Variants in LGI1 observed in about 807,000 individuals in gnomAD.
LGI1 encodes leucine rich glioma inactivated 1, also known as leucine-rich glioma-inactivated protein 1.
LGI1 carries 11 observed loss-of-function variants against 57.7 expected under a neutral mutation model. That is an observed-to-expected ratio of 0.19 (90% CI 0.12 to 0.32). LGI1 has a LOEUF of 0.32. Among genes scored for constraint, LGI1 ranks in the 10% least tolerant of loss-of-function variants. The pLI is 1.00. For missense variants in LGI1, 422 were observed against 661.9 expected, an observed-to-expected ratio of 0.64 and a Z score of 3.98; for synonymous variants, 222 against 241.9, an observed-to-expected ratio of 0.92 and a Z score of 0.76.
In LGI1 at chr10:93,758,503, C is replaced by T; in HGVS notation, c.215+144C>T. 1 of 898,356 alleles carries T rather than the reference C, an allele frequency of 1.1e-6. No individual in the cohort carries two copies. Among genetic ancestry groups the T allele is most frequent in the Non-Finnish European group, 1.8e-6 (1 of 563,078 alleles). 55.6% of individuals were successfully genotyped at this position (898,356 alleles called of 1,614,324 possible). A position where few individuals can be genotyped will look rare whatever the true frequency, so the allele number is the denominator to read the frequency against. On this transcript the variant is annotated intron_variant, in intron 1 of 7. Coordinates refer to ENST00000371418, the MANE Select transcript of LGI1 (RefSeq NM_005097.4). This position sits in a 1 kb window ranked among gnomAD's most constrained non-coding sequence, Gnocchi z 4.7. The stretch of plus-strand genomic sequence containing the variant: ...GGCCATTTGACAGTGCTAACATTTG[C>T]TGCATTTAGAATTTTTGATTTTTTT...
intron 4 of LGI1, among the ~76,000 whole-genome samples, chr10:93,777,989 C>G (rs1049234498): frequency 6.6e-6 from 1 of 152,102 alleles, no homozygotes; most frequent in Non-Finnish European, 1.5e-5. Flanking sequence ...TACATTTAAA[C>G]ATAATATAGC....
chr10:93,784,869 C>T (rs150862177), intron 4 of LGI1, among the ~76,000 whole-genome samples: 1 of 152,276 alleles, frequency 6.6e-6, no homozygotes, highest in Non-Finnish European at 1.5e-5. Flanking sequence ...GGACTAGACA[C>T]TCTGTGGGCC....
At chr10:93,771,441 T>C (rs1235438231) in intron 2 of LGI1, 1 of 152,106 alleles carries the variant, frequency 6.6e-6, no homozygotes, top group East Asian at 1.9e-4. Context: ...ACCGCATGTT[T>C]TCACTTATAA....
intron 7 of LGI1, among the ~76,000 whole-genome samples, chr10:93,795,687 G>A (rs537018016): frequency 3.3e-4 from 50 of 152,222 alleles, no homozygotes; most frequent in African/African-American, 1.2e-3. Flanking sequence ...GTGCAGACAC[G>A]GCCACAGAAT....
chr10:93,766,510 C>CTTTTTTTTTTTTTTTT, intron 2 of LGI1, among the ~76,000 whole-genome samples: 2 of 17,564 alleles, frequency 1.1e-4, no homozygotes, highest in African/African-American at 9.6e-4. Flanking sequence ...TTTTATAGAT[C>CTTTTTTTTTTTTTTTT]TCTTTTTTTT....
chr10:93,777,253 T>A, intron 2 of LGI1, 126 bp from the exon 3 acceptor site: 1 of 803,188 alleles, frequency 1.2e-6, no homozygotes, highest in Middle Eastern at 2.3e-4. Context: ...TAACTAACAC[T>A]GTAGCAGACA....
At chr10:93,776,946 A>G in intron 2 of LGI1, 1 of 231,996 alleles carries the variant, frequency 4.3e-6, no homozygotes, top group Non-Finnish European at 8.5e-6. Flanking sequence ...CCAGGCATGC[A>G]GCTTACTTTT....
chr10:93,782,872 A>G (rs746989623), intron 4 of LGI1: 1 of 152,254 alleles, frequency 6.6e-6, no homozygotes, highest in Non-Finnish European at 1.5e-5. Flanking sequence ...TGTTTGAGCC[A>G]GTCTGGTCTG....
At chr10:93,777,921 G>A (rs2059807960) in intron 4 of LGI1, among the ~76,000 whole-genome samples, 1 of 152,176 alleles carries the variant, frequency 6.6e-6, no homozygotes, top group Non-Finnish European at 1.5e-5. Context: ...GGATCATTAT[G>A]AGTTGACTGT....
chr10:93,765,924 C>A (rs1358313985), intron 2 of LGI1, among the ~76,000 whole-genome samples: 4 of 146,124 alleles, frequency 2.7e-5, no homozygotes, highest in Non-Finnish European at 4.5e-5. Flanking sequence ...GAGCCGAGAT[C>A]GCGCCACTGC....
At chr10:93,770,222 A>G (rs2059720953) in intron 2 of LGI1, 1 of 152,264 alleles carries the variant, frequency 6.6e-6, no homozygotes, top group Admixed American at 6.5e-5. Flanking sequence ...GCTTTACAAC[A>G]TAGAGAAAAG....
At chr10:93,781,283 C>T (rs1272802241) in intron 4 of LGI1, among the ~76,000 whole-genome samples, 7 of 151,908 alleles carry the variant, frequency 4.6e-5, no homozygotes, top group East Asian at 3.9e-4. Flanking sequence ...GGCATGAACC[C>T]GGGAGGCGGA....
At chr10:93,795,785 C>G (rs184753226) in intron 7 of LGI1, among the ~76,000 whole-genome samples, 1 of 152,300 alleles carries the variant, frequency 6.6e-6, no homozygotes, top group African/African-American at 2.4e-5. Flanking sequence ...CATCCTTAAT[C>G]TAGTCTAAAG....
chr10:93,761,965 T>C (rs2059628735), intron 2 of LGI1, among the ~76,000 whole-genome samples: 1 of 152,236 alleles, frequency 6.6e-6, no homozygotes. Flanking sequence ...TACAGCCCTG[T>C]TCCTTCTCAA....
intron 4 of LGI1, among the ~76,000 whole-genome samples, chr10:93,781,536 G>A (rs924398728): frequency 1.3e-5 from 2 of 152,184 alleles, no homozygotes; most frequent in East Asian, 3.9e-4. Flanking sequence ...CAAATGTTGG[G>A]ATTCTCAATT....
At chr10:93,786,060 C>T (rs61199500) in intron 4 of LGI1, among the ~76,000 whole-genome samples, 1,289 of 46,362 alleles carry the variant, frequency 0.028, 342 homozygotes, top group African/African-American at 0.037. Context: ...GCCCTCATCA[C>T]AGCTGGCTTT....
rs1489458160 is a variant in LGI1, at chr10:93,793,000, C to A, written c.673+88C>A. ...GTGCAGGAACTGATATTTTTTATATCTTAAAAACTAGCTGAGCAACTTAAT... is the reference window on the plus strand; with the variant it reads ...GTGCAGGAACTGATATTTTTTATATATTAAAAACTAGCTGAGCAACTTAAT... On this transcript the variant is annotated intron_variant, in intron 6 of 7. Coordinates refer to ENST00000371418, the MANE Select transcript of LGI1 (RefSeq NM_005097.4). The A allele has an allele frequency of 2.2e-6, 3 of 1,387,566 alleles. No individual in the cohort carries two copies. In the African/African-American group the frequency reaches 4.4e-5, roughly 20 times the overall value. The allele number at this position is 1,387,566 out of a possible 1,614,324, so 86.0% of individuals were successfully genotyped here.
At position 93,798,145 on chromosome 10, in the gene LGI1, A is replaced by G. The variant is rs2059996754; in HGVS notation, c.*342A>G. On this transcript the variant is annotated 3_prime_UTR_variant, in exon 8 of 8. Transcript: ENST00000371418. ...GAAACAACTGCCAAATAAAATGTTT[A>G]CATTTTCTTTCATATCCCAGAGGTA... The G allele has an allele frequency of 3.7e-6, 1 of 272,954 alleles. No homozygotes were observed. The highest frequency in any genetic ancestry group is 5.1e-5 in the South Asian group (1 of 19,450). The allele number at this position is 272,954 out of a possible 1,614,324, so 16.9% of individuals were successfully genotyped here.
intron 2 of LGI1, chr10:93,765,765 T>G (rs893591239): frequency 6.6e-6 from 1 of 151,770 alleles, no homozygotes; most frequent in Non-Finnish European, 1.5e-5. Flanking sequence ...GGTCAGGAGA[T>G]GGAGAACATC....
Sources: allele counts gnomAD v4.1 joint callset (sites outside exome capture counted in the v4.1 genomes callset), GRCh38; gene constraint gnomAD v4.1.1; non-coding constraint Gnocchi (gnomAD v3.1); transcripts MANE v1.5; gene names NCBI Gene and HGNC (gene_info 2026-07-23, HGNC 2026-07-21).